FIRRM: variants seen among roughly 807,000 people sequenced by gnomAD.
FIRRM encodes the protein FIGNL1 interacting regulator of recombination and mitosis, also known as FIGNL1-interacting regulator of recombination and mitosis.
the FIRRM span, among the ~76,000 whole-genome samples, chr1:169,821,194 G>A: frequency 4.9e-4 from 75 of 152,086 alleles, no homozygotes; most frequent in African/African-American, 1.7e-3. Flanking sequence ...CCCCCTTCCC[G>A]AAATATATAT....
the FIRRM span, chr1:169,795,669 G>C: frequency 1.0e-6 from 1 of 988,588 alleles, no homozygotes. Flanking sequence ...ATATGAATAA[G>C]GGCTTTCTTA....
chr1:169,852,397 AGT>A, the FIRRM span: 2 of 252,560 alleles, frequency 7.9e-6, no homozygotes, highest in Non-Finnish European at 1.5e-5. Flanking sequence ...CTATTAGTAT[AGT>A]AATTAGTATA....
At chr1:169,810,649 T>G in the FIRRM span, among the ~76,000 whole-genome samples, 1,513 of 152,040 alleles carry the variant, frequency 1.0e-2, 27 homozygotes, top group African/African-American at 0.035. Context: ...TATTTCCAAA[T>G]AAGGCCACAT....
the FIRRM span, chr1:169,795,683 T>G: frequency 1.0e-6 from 1 of 987,282 alleles, no homozygotes; most frequent in Non-Finnish European, 1.2e-6. Flanking sequence ...TTTCTTAGCG[T>G]TATAAGAATT....
chr1:169,809,445 C>T, the FIRRM span, among the ~76,000 whole-genome samples: 1 of 152,176 alleles, frequency 6.6e-6, no homozygotes, highest in African/African-American at 2.4e-5. Context: ...TTCCTTCTTG[C>T]TTCTCTTGAC....
the FIRRM span, chr1:169,850,252 A>T: frequency 1.3e-6 from 2 of 1,584,532 alleles, no homozygotes; most frequent in Non-Finnish European, 8.6e-7. Context: ...CTTGTTCATC[A>T]ATTTTTTAAT....
the FIRRM span, chr1:169,837,106 A>G: frequency 6.3e-7 from 1 of 1,579,782 alleles, no homozygotes; most frequent in Non-Finnish European, 8.6e-7. Context: ...GAGAACTAGA[A>G]TCTCTGGTAA....
chr1:169,833,059 C>T, the FIRRM span, among the ~76,000 whole-genome samples: 32 of 152,086 alleles, frequency 2.1e-4, no homozygotes, highest in African/African-American at 7.7e-4. Flanking sequence ...AGATCTTTCC[C>T]CTTATTTTTC....
the FIRRM span, among the ~76,000 whole-genome samples, chr1:169,801,670 A>G: frequency 6.6e-6 from 1 of 151,690 alleles, no homozygotes; most frequent in African/African-American, 2.4e-5. Context: ...CATTAAATTC[A>G]CAGAATACAT....
chr1:169,808,241 T>A, the FIRRM span, among the ~76,000 whole-genome samples: 1 of 152,282 alleles, frequency 6.6e-6, no homozygotes, highest in South Asian at 2.1e-4. Context: ...AATTCTTTTG[T>A]TCATATTTGT....
the FIRRM span, among the ~76,000 whole-genome samples, chr1:169,784,151 G>A: frequency 6.6e-6 from 1 of 152,156 alleles, no homozygotes; most frequent in Non-Finnish European, 1.5e-5. Flanking sequence ...ACTATCTCAA[G>A]CAAACTGGGG....
the FIRRM span, chr1:169,852,012 C>G: frequency 6.3e-7 from 1 of 1,599,540 alleles, no homozygotes. Context: ...CGAAACAAAC[C>G]AGTGTGGTTT....
the FIRRM span, chr1:169,832,446 A>G: frequency 6.2e-7 from 1 of 1,613,538 alleles, no homozygotes; most frequent in Non-Finnish European, 8.5e-7. Context: ...AATGTTATCA[A>G]CTCATCAACC....
At chr1:169,830,686 T>C in the FIRRM span, 2 of 1,612,478 alleles carry the variant, frequency 1.2e-6, no homozygotes, top group Non-Finnish European at 1.7e-6. Context: ...TCTTCTCTTT[T>C]ATATTGCAGA....
At chr1:169,793,279 C>G in the FIRRM span, 1 of 1,614,074 alleles carries the variant, frequency 6.2e-7, no homozygotes, top group Non-Finnish European at 8.5e-7. Context: ...CAGGGAAGTT[C>G]TCTTTCAACA....
chr1:169,841,336 A>G, the FIRRM span, among the ~76,000 whole-genome samples: 1 of 152,294 alleles, frequency 6.6e-6, no homozygotes, highest in East Asian at 1.9e-4. Flanking sequence ...TTGATGTGCT[A>G]TTGAATTTGG....
the FIRRM span, chr1:169,842,363 T>C: frequency 6.4e-7 from 1 of 1,556,006 alleles, no homozygotes; most frequent in East Asian, 2.3e-5. Context: ...CGGCTCTTGG[T>C]GGTGCTTTAG....
the FIRRM span, chr1:169,804,143 G>T: frequency 2.3e-5 from 36 of 1,597,940 alleles, no homozygotes; most frequent in Non-Finnish European, 2.9e-5. Context: ...TTTTCAAGGA[G>T]GCCTATTCTC....
the FIRRM span, chr1:169,852,875 C>T: frequency 3.7e-6 from 6 of 1,614,078 alleles, no homozygotes; most frequent in Non-Finnish European, 5.1e-6. Context: ...GCTTTGGAAG[C>T]AACTGAGTCA....
Sources: allele counts gnomAD v4.1 joint callset (sites outside exome capture counted in the v4.1 genomes callset), GRCh38; gene constraint gnomAD v4.1.1; transcripts MANE v1.5; gene names NCBI Gene and HGNC (gene_info 2026-07-23, HGNC 2026-07-21).